HLA-DRB5: variants seen among roughly 807,000 people sequenced by gnomAD.
HLA-DRB5 encodes the protein major histocompatibility complex, class II, DR beta 5, also known as DR beta-5.
A neutral mutation model predicts 22.4 loss-of-function variants in HLA-DRB5; 11 were observed. That is an observed-to-expected ratio of 0.49 (90% CI 0.31 to 0.81). The LOEUF (loss-of-function observed/expected upper bound fraction) is 0.81. Ranked by LOEUF, HLA-DRB5 falls within the 40% of genes least tolerant of loss-of-function variation. HLA-DRB5 has a pLI of 0.05. For missense variants in HLA-DRB5, 106 were observed against 274.4 expected, an observed-to-expected ratio of 0.39 and a Z score of 4.34; for synonymous variants, 57 against 106.0, an observed-to-expected ratio of 0.54 and a Z score of 2.84.
intron 1 of HLA-DRB5, among the ~76,000 whole-genome samples, chr6:32,523,712 G>C (rs75540255): frequency 0.082 from 8,348 of 102,022 alleles, 5 homozygotes; most frequent in East Asian, 0.11. Flanking sequence ...GATTCAACAA[G>C]AAAGTGGTTG....
chr6:32,521,619 T>C (rs370593670), intron 2 of HLA-DRB5, among the ~76,000 whole-genome samples: 611 of 65,810 alleles, frequency 9.3e-3, no homozygotes, highest in East Asian at 0.031. Flanking sequence ...CCACCTCCCA[T>C]GTCACCTCCC....
intron 2 of HLA-DRB5, 40 bp downstream of exon 2, chr6:32,521,865 A>C (rs147192780): frequency 0.086 from 62,796 of 726,436 alleles, 16,501 homozygotes; most frequent in Admixed American, 0.18. Context: ...TCAGATTCCC[A>C]GCTCACAAGG....
chr6:32,525,383 A>AC (rs138144499), intron 1 of HLA-DRB5, among the ~76,000 whole-genome samples: 626 of 32,976 alleles, frequency 0.019, 79 homozygotes, highest in Middle Eastern at 0.053. Context: ...TCCCATTTTA[A>AC]TTTTTTGATC....
Position 32,523,609 on chromosome 6 carries a change from G to A in HLA-DRB5, c.101-1435C>T, listed in dbSNP as rs1223940511. On this transcript the variant is annotated intron_variant, in intron 1 of 5. Coordinates refer to ENST00000374975, the MANE Select transcript of HLA-DRB5 (RefSeq NM_002125.4). ...GGGCAAGTTGTTGAAAGTTAATAGA[G>A]GTAGTGCTGACCAACAACTCATGAA... is the stretch of plus-strand genomic sequence containing the variant. Among the ~76,000 whole-genome samples the A allele has an allele frequency of 2.2e-3, 161 of 73,218 alleles. 2 individuals carry two copies. Among genetic ancestry groups the A allele is most frequent in the South Asian group, 3.5e-3 (9 of 2,536 alleles). 48.0% of individuals were successfully genotyped at this position (73,218 alleles called of 152,430 possible). A position where few individuals can be genotyped will look rare whatever the true frequency, so the allele number is the denominator to read the frequency against.
Position 32,519,600 on chromosome 6 carries a change from T to C in HLA-DRB5, c.422A>G (p.His141Arg), listed in dbSNP as rs759022945. The change falls in exon 3 of 6, where the codon CAC becomes CGC. Residue 141 changes from histidine (H) to arginine (R), a missense_variant. Physicochemically the swap from His to Arg is conservative, Grantham distance 29 (BLOSUM62 0). Coordinates refer to ENST00000374975, the MANE Select transcript of HLA-DRB5 (RefSeq NM_002125.4). ...ATTCACAGAGCAGACCAGGAGGTTGTGGTGCTGCAGGGTCTGGGTCCTTGC... is the reference window on the plus strand; with the variant it reads ...ATTCACAGAGCAGACCAGGAGGTTGCGGTGCTGCAGGGTCTGGGTCCTTGC... ...YPARTQTLQHHNLLVCSVNGF... is the reference protein window; with the variant it reads ...YPARTQTLQHRNLLVCSVNGF... 1.9e-6 allele frequency: 2 copies of C among 1,059,004 alleles called. 1 individual carries two copies. The highest frequency in any genetic ancestry group is 2.6e-6 in the Non-Finnish European group (2 of 765,872). 65.6% of individuals were successfully genotyped at this position (1,059,004 alleles called of 1,614,324 possible). A position where few individuals can be genotyped will look rare whatever the true frequency, so the allele number is the denominator to read the frequency against.
At chr6:32,529,158 A>G (rs1221483094) in intron 1 of HLA-DRB5, among the ~76,000 whole-genome samples, 1 of 140,640 alleles carries the variant, frequency 7.1e-6, no homozygotes, top group Non-Finnish European at 1.6e-5. Context: ...ATGAGTTCCC[A>G]GGACTTGATC....
intron 1 of HLA-DRB5, among the ~76,000 whole-genome samples, chr6:32,526,429 A>C (rs113572153): frequency 0.03 from 841 of 28,196 alleles, 412 homozygotes; most frequent in Non-Finnish European, 0.041. Flanking sequence ...CTCCCTATGT[A>C]ACCTCTTCCA....
At chr6:32,518,753 G>A (rs1581574307) in intron 3 of HLA-DRB5, 87 bp from the exon 4 acceptor site, 1 of 427,300 alleles carries the variant, frequency 2.3e-6, no homozygotes, top group Admixed American at 4.6e-5. Context: ...CTTTGAAAAT[G>A]GGGAAGAAGG....
intron 2 of HLA-DRB5, among the ~76,000 whole-genome samples, chr6:32,521,183 AG>A (rs1259787212): frequency 0.014 from 929 of 67,346 alleles, no homozygotes; most frequent in East Asian, 0.015. Context: ...ATAGGTAAGT[AG>A]TAGAAAACTA....
intron 3 of HLA-DRB5, 141 bp downstream of exon 3, chr6:32,519,229 C>CCCAGTAG: frequency 7.4e-6 from 3 of 404,834 alleles, no homozygotes; most frequent in Non-Finnish European, 1.2e-5. Context: ...ACAGGGCTAC[C>CCCAGTAG]CCCAGTGACC....
chr6:32,530,045 A>T lies in HLA-DRB5; in HGVS notation c.100+80T>A, dbSNP rs1290515922. ...AGAAAATGTCACAATTTCTTAAGGCACCTGGCCTGGGCACAATGTTAACAA... is the reference window on the plus strand; with the variant it reads ...AGAAAATGTCACAATTTCTTAAGGCTCCTGGCCTGGGCACAATGTTAACAA... On this transcript the variant is annotated intron_variant, in intron 1 of 5. Coordinates refer to ENST00000374975, the MANE Select transcript of HLA-DRB5 (RefSeq NM_002125.4). 6.2e-6 allele frequency: 4 copies of T among 648,082 alleles called. No individual in the cohort carries two copies. In the Admixed American group the frequency reaches 8.9e-5, roughly 14 times the overall value. The allele number at this position is 648,082 out of a possible 1,614,324, so 40.1% of individuals were successfully genotyped here.
chr6:32,518,435 TC>T, intron 4 of HLA-DRB5, 120 bp downstream of exon 4: 1 of 312,630 alleles, frequency 3.2e-6, no homozygotes, highest in Non-Finnish European at 5.7e-6. Context: ...GCATTGGAGG[TC>T]ATTTGTGGAA....
intron 2 of HLA-DRB5, among the ~76,000 whole-genome samples, chr6:32,520,761 A>ATTTT (rs1768747333): frequency 1.7e-4 from 8 of 48,136 alleles, no homozygotes; most frequent in Non-Finnish European, 3.0e-4. Flanking sequence ...CATTAATAAA[A>ATTTT]GTTTTGGAAT....
At chr6:32,528,929 C>G (rs200108483) in intron 1 of HLA-DRB5, among the ~76,000 whole-genome samples, 6,387 of 89,080 alleles carry the variant, frequency 0.072, 4 homozygotes, top group Middle Eastern at 0.19. Context: ...GGTGACAGAG[C>G]CAGGCCCTAT....
intron 1 of HLA-DRB5, among the ~76,000 whole-genome samples, chr6:32,525,508 C>A (rs1467814505): frequency 8.5e-6 from 1 of 117,038 alleles, no homozygotes; most frequent in Non-Finnish European, 1.7e-5. Flanking sequence ...AAAGAATTGT[C>A]ATTCTGAAAA....
At chr6:32,528,445 C>CCAG (rs1428550035) in intron 1 of HLA-DRB5, among the ~76,000 whole-genome samples, 37 of 76,374 alleles carry the variant, frequency 4.8e-4, no homozygotes, top group South Asian at 9.5e-4. Flanking sequence ...TATTAATAAA[C>CCAG]CATGGTTCTG....
At chr6:32,521,225 T>C (rs1282475850) in intron 2 of HLA-DRB5, among the ~76,000 whole-genome samples, 286 of 36,092 alleles carry the variant, frequency 7.9e-3, no homozygotes, top group Middle Eastern at 0.025. Flanking sequence ...TAACAGTGTA[T>C]TAAAATTTTA....
chr6:32,526,872 A>T (rs1284203611), intron 1 of HLA-DRB5, among the ~76,000 whole-genome samples: 1 of 36,104 alleles, frequency 2.8e-5, no homozygotes, highest in Non-Finnish European at 5.8e-5. Context: ...CACAAATGTC[A>T]ATAAATCATC....
intron 1 of HLA-DRB5, among the ~76,000 whole-genome samples, chr6:32,524,380 C>T (rs1377404708): frequency 8.8e-4 from 111 of 126,570 alleles, no homozygotes; most frequent in African/African-American, 3.3e-3. Context: ...TGAATCACAA[C>T]CACAGCTATT....
Sources: allele counts gnomAD v4.1 joint callset (sites outside exome capture counted in the v4.1 genomes callset), GRCh38; gene constraint gnomAD v4.1.1; transcripts MANE v1.5; gene names NCBI Gene and HGNC (gene_info 2026-07-23, HGNC 2026-07-21).